The following MYO5B variants were observed in gnomAD, a reference collection of about 807,000 sequenced individuals.
MYO5B encodes the protein unconventional myosin-Vb.
A neutral mutation model predicts 229.3 loss-of-function variants in MYO5B; 143 were observed. The ratio of observed to expected loss-of-function variants is 0.62; its 90% CI spans 0.54 to 0.72. The LOEUF (loss-of-function observed/expected upper bound fraction) is 0.72. MYO5B is among the 30% of genes least tolerant of loss of function. MYO5B has a pLI of 0.00. For synonymous variants in MYO5B, 918 were observed against 885.2 expected, an observed-to-expected ratio of 1.04 and a Z score of -0.66; for missense variants, 2,321 against 2,331.0, an observed-to-expected ratio of 1.00 and a Z score of 0.09.
At chr18:49,853,705 G>T in intron 30 of MYO5B, 58 bp from the exon 31 acceptor site, 1 of 1,524,586 alleles carries the variant, frequency 6.6e-7, no homozygotes, top group Non-Finnish European at 8.9e-7. Flanking sequence ...CCATCTGAGG[G>T]GACACAGGCA....
intron 4 of MYO5B, among the ~76,000 whole-genome samples, chr18:50,023,573 G>C (rs969955791): frequency 1.3e-5 from 2 of 152,132 alleles, no homozygotes; most frequent in Non-Finnish European, 2.9e-5. Context: ...CATTTTGTGA[G>C]ATACTTAGAA....
intron 22 of MYO5B, among the ~76,000 whole-genome samples, chr18:49,890,537 A>T (rs970758030): frequency 6.6e-5 from 10 of 152,250 alleles, no homozygotes; most frequent in African/African-American, 2.4e-4. Flanking sequence ...CCCCAGCAAC[A>T]TGCTAAAGAA....
chr18:49,895,152 G>C lies in MYO5B; in HGVS notation c.2834C>G (p.Ser945Ter). Residue 945 changes from serine to a stop codon, truncating the protein, a stop_gained, in exon 22 of 40, where the codon TCA becomes TGA. Coordinates refer to ENST00000285039, the MANE Select transcript of MYO5B (RefSeq NM_001080467.3). LOFTEE classifies it high-confidence loss of function. The part of the protein sequence containing the change: ...DEQNKEFKTL[S>*]EQLSVTTSTY... ...TGAGGTGGTCACGGACAACTGCTCT[G>C]AAAGTGTCTTGAACTCTTTGTTCTG... 5 of 1,613,970 alleles carry C rather than the reference G, an allele frequency of 3.1e-6. No homozygotes were observed. Among genetic ancestry groups the C allele is most frequent in the Non-Finnish European group, 3.4e-6 (4 of 1,179,988 alleles).
chr18:50,038,989 C>T (rs1037600928), intron 3 of MYO5B, among the ~76,000 whole-genome samples: 1 of 152,180 alleles, frequency 6.6e-6, no homozygotes, highest in Non-Finnish European at 1.5e-5. Flanking sequence ...CTCCTGAAAT[C>T]TGGAAGAAAA....
chr18:49,833,632 T>C (rs2023951583), intron 39 of MYO5B, among the ~76,000 whole-genome samples: 1 of 152,230 alleles, frequency 6.6e-6, no homozygotes, highest in Non-Finnish European at 1.5e-5. Flanking sequence ...TCATAAACAG[T>C]GGGGTTGCCA....
At chr18:49,909,248 A>C (rs2024932528) in intron 18 of MYO5B, among the ~76,000 whole-genome samples, 1 of 152,232 alleles carries the variant, frequency 6.6e-6, no homozygotes, top group Non-Finnish European at 1.5e-5. Context: ...GAGAAAAATA[A>C]AAAGGAGGAA....
intron 7 of MYO5B, among the ~76,000 whole-genome samples, chr18:49,985,540 G>A (rs1166357552): frequency 6.6e-6 from 1 of 152,170 alleles, no homozygotes; most frequent in Admixed American, 6.5e-5. Context: ...TGCTTAGGAG[G>A]AAGCAGGGCT....
intron 4 of MYO5B, among the ~76,000 whole-genome samples, chr18:50,017,445 G>C (rs1331279732): frequency 3.3e-5 from 5 of 152,158 alleles, no homozygotes; most frequent in Non-Finnish European, 7.3e-5. Flanking sequence ...AATTTTTCAA[G>C]GGTTCATCAT....
chr18:49,978,167 C>T lies in MYO5B; in HGVS notation c.1056+2277G>A, dbSNP rs74686612. Among the ~76,000 whole-genome samples the T allele has an allele frequency of 1.9e-3, 288 of 152,320 alleles. 1 individual carries two copies. Among genetic ancestry groups the T allele is most frequent in the African/African-American group, 6.6e-3 (276 of 41,570 alleles). On this transcript the variant is annotated intron_variant, in intron 9 of 39. Coordinates refer to ENST00000285039, the MANE Select transcript of MYO5B (RefSeq NM_001080467.3). ...CTCAACCTCTCAGGCCTCCTCCCTCCTGCCCCCTTTACCACCTGCATCCTC... is the reference window on the plus strand; with the variant it reads ...CTCAACCTCTCAGGCCTCCTCCCTCTTGCCCCCTTTACCACCTGCATCCTC...
intron 1 of MYO5B, among the ~76,000 whole-genome samples, chr18:50,153,364 G>A (rs1599061782): frequency 6.6e-6 from 1 of 152,170 alleles, no homozygotes; most frequent in African/African-American, 2.4e-5. Flanking sequence ...TAACAGTGAG[G>A]CATGACTTGG....
intron 14 of MYO5B, among the ~76,000 whole-genome samples, chr18:49,940,014 T>C (rs12954048): frequency 0.35 from 53,476 of 152,064 alleles, 10,535 homozygotes; most frequent in Middle Eastern, 0.57. Context: ...GCTCTGGTGA[T>C]GCTCTGCACT....
At chr18:49,930,748 T>C (rs1046549680) in intron 16 of MYO5B, among the ~76,000 whole-genome samples, 1 of 151,862 alleles carries the variant, frequency 6.6e-6, no homozygotes, top group Non-Finnish European at 1.5e-5. Flanking sequence ...AAAAATTAGC[T>C]GGGCGTGGTG....
intron 12 of MYO5B, among the ~76,000 whole-genome samples, chr18:49,955,150 G>T (rs1402390310): frequency 1.3e-5 from 2 of 152,222 alleles, no homozygotes; most frequent in African/African-American, 4.8e-5. Context: ...TAAGTACCTA[G>T]TGAGTGTTCT....
In MYO5B at chr18:49,954,223, A is replaced by G. The variant is rs531585964; in HGVS notation, c.1668+90T>C. 14 of 1,573,692 alleles carry G rather than the reference A, an allele frequency of 8.9e-6. No homozygotes were observed. The South Asian group carries it at 1.6e-4, about 18-fold the overall frequency. On this transcript the variant is annotated intron_variant, in intron 13 of 39. Coordinates refer to ENST00000285039, the MANE Select transcript of MYO5B (RefSeq NM_001080467.3). ...AGGCTTCAGGCCATTTGAATTCAGA[A>G]GGGACAGATTTCTCTCTAGGTCTAG...
Position 49,837,709 on chromosome 18 carries a change from T to C in MYO5B, c.4946A>G (p.Asp1649Gly), listed in dbSNP as rs752193239. The change falls in exon 37 of 40, where the codon GAT becomes GGT. Residue 1649 changes from aspartate to glycine, a missense_variant. Asp to Gly is a moderately conservative substitution (Grantham distance 94). Coordinates refer to ENST00000285039, the MANE Select transcript of MYO5B (RefSeq NM_001080467.3). ...RKRSSSMADG[D>G]NSYCLEAIIR... ...GATAGCTTCCAGGCAGTATGAGTTA[T>C]CCCCATCTGCCATGCTGGAGGAGCG... The C allele has an allele frequency of 6.2e-7, 1 of 1,614,200 alleles. No homozygotes were observed. The highest frequency in any genetic ancestry group is 8.5e-7 in the Non-Finnish European group (1 of 1,180,028).
intron 1 of MYO5B, among the ~76,000 whole-genome samples, chr18:50,093,189 CACACACACACACACACAG>C (rs1290156167): frequency 7.2e-5 from 10 of 138,982 alleles, no homozygotes; most frequent in South Asian, 2.3e-4. Context: ...GCCACACACA[CACACACACACACACACAG>C]ACACACACAC....
At chr18:49,950,553 T>C (rs984192364) in intron 14 of MYO5B, among the ~76,000 whole-genome samples, 2 of 152,148 alleles carry the variant, frequency 1.3e-5, no homozygotes, top group African/African-American at 2.4e-5. Context: ...GAAATAGATG[T>C]GTACTCGTGT....
chr18:49,890,763 A>G (rs1049592507), intron 22 of MYO5B, among the ~76,000 whole-genome samples: 2 of 152,212 alleles, frequency 1.3e-5, no homozygotes, highest in African/African-American at 2.4e-5. Context: ...GCACAGCCCT[A>G]GGTAGGGACA....
At chr18:50,007,365 C>G (rs1359537983) in intron 4 of MYO5B, among the ~76,000 whole-genome samples, 31 of 152,142 alleles carry the variant, frequency 2.0e-4, no homozygotes, top group Admixed American at 2.0e-3. Context: ...TTCTCTGTAC[C>G]TTTTAGTCCA....
Sources: allele counts gnomAD v4.1 joint callset (sites outside exome capture counted in the v4.1 genomes callset), GRCh38; gene constraint gnomAD v4.1.1; transcripts MANE v1.5; gene names NCBI Gene and HGNC (gene_info 2026-07-23, HGNC 2026-07-21).